MICAL2: variants seen among roughly 807,000 people sequenced by gnomAD.
The protein encoded by MICAL2 is microtubule associated monooxygenase, calponin and LIM domain containing 2, also known as [F-actin]-monooxygenase MICAL2.
MICAL2 carries 77 observed loss-of-function variants against 127.3 expected under a neutral mutation model. The ratio of observed to expected loss-of-function variants is 0.60; its 90% CI spans 0.50 to 0.73. The LOEUF is 0.73. MICAL2 is among the 30% of genes least tolerant of loss of function. The pLI, the probability that MICAL2 is intolerant of heterozygous loss-of-function variation, is 0.00. For missense variants in MICAL2, 1,351 were observed against 1,434.4 expected (o/e 0.94, Z 0.94); for synonymous variants, 570 against 551.1 (o/e 1.03, Z -0.48).
At chr11:12,141,781 A>T (rs1234170248) in intron 2 of MICAL2, among the ~76,000 whole-genome samples, 1 of 152,190 alleles carries the variant, frequency 6.6e-6, no homozygotes, top group Admixed American at 6.5e-5. Flanking sequence ...AACCCTTGTG[A>T]TCAGGGGTGA....
intron 21 of MICAL2, among the ~76,000 whole-genome samples, chr11:12,246,028 C>G (rs757705602): frequency 6.6e-6 from 1 of 152,254 alleles, no homozygotes; most frequent in Non-Finnish European, 1.5e-5. Flanking sequence ...AAAGCCTTCT[C>G]TTGTCCCTGC....
At chr11:12,295,940 A>C (rs1354995552), downstream of MICAL2, among the ~76,000 whole-genome samples, 2 of 152,184 alleles carry the variant, frequency 1.3e-5, no homozygotes, top group Non-Finnish European at 2.9e-5. Context: ...CTCCTAGCCT[A>C]AACACTTACG....
chr11:12,185,157 G>GGA (rs1858038855), intron 3 of MICAL2, among the ~76,000 whole-genome samples: 1 of 9,684 alleles, frequency 1.0e-4, no homozygotes. Context: ...GGGTGGGTGT[G>GGA]TGGATGAATG....
intron 2 of MICAL2, among the ~76,000 whole-genome samples, chr11:12,145,612 G>A (rs1852815426): frequency 6.6e-6 from 1 of 152,164 alleles, no homozygotes; most frequent in Non-Finnish European, 1.5e-5. Flanking sequence ...TGCAGCACAG[G>A]CAATTTTACA....
chr11:12,282,422 C>T (rs1863782562), intron 2 of MICAL2, among the ~76,000 whole-genome samples: 1 of 152,074 alleles, frequency 6.6e-6, no homozygotes, highest in African/African-American at 2.4e-5. Context: ...GCCTTTCATC[C>T]CTTCCCTCCA....
chr11:12,312,480 A>G (rs1864185348), intron 29 of MICAL2, among the ~76,000 whole-genome samples: 1 of 151,986 alleles, frequency 6.6e-6, no homozygotes, highest in African/African-American at 2.4e-5. Flanking sequence ...TTTTTCTTCG[A>G]TCCACAGCGT....
At chr11:12,158,181 T>C (rs1854394426) in intron 2 of MICAL2, among the ~76,000 whole-genome samples, 1 of 151,962 alleles carries the variant, frequency 6.6e-6, no homozygotes, top group Non-Finnish European at 1.5e-5. Flanking sequence ...GTAAGTATGA[T>C]GGACATATTC....
At chr11:12,145,012 G>A (rs1461353296) in intron 2 of MICAL2, among the ~76,000 whole-genome samples, 2 of 152,136 alleles carry the variant, frequency 1.3e-5, no homozygotes, top group East Asian at 3.9e-4. Flanking sequence ...TATTTTCCGT[G>A]GGCAGAGAGC....
At chr11:12,330,761 C>A (rs1282188121) in intron 32 of MICAL2, among the ~76,000 whole-genome samples, 4 of 144,904 alleles carry the variant, frequency 2.8e-5, no homozygotes, top group African/African-American at 7.5e-5. Flanking sequence ...CCCCAGATGA[C>A]AAATCATTAT....
intron 21 of MICAL2, among the ~76,000 whole-genome samples, chr11:12,248,248 G>A (rs868589774): frequency 6.6e-6 from 1 of 152,142 alleles, no homozygotes; most frequent in African/African-American, 2.4e-5. Context: ...AGGGAGTCTT[G>A]AGGGCTCTCA....
At chr11:12,168,145 T>TACACACACACACAC (rs3044619) in intron 3 of MICAL2, among the ~76,000 whole-genome samples, 6,853 of 146,116 alleles carry the variant, frequency 0.047, 192 homozygotes, top group Middle Eastern at 0.086. Flanking sequence ...CTACAGCAAA[T>TACACACACACACAC]ACACACACAC....
chr11:12,132,621 G>A (rs777789790), intron 1 of MICAL2, among the ~76,000 whole-genome samples: 34 of 152,212 alleles, frequency 2.2e-4, no homozygotes, highest in Admixed American at 5.9e-4. Context: ...GGGCGGTGTG[G>A]CATTATGAAG....
rs199725958 is a variant in MICAL2 at position 12,162,144 on chromosome 11, G to A, written c.-12G>A. The stretch of plus-strand genomic sequence containing the variant: ...TCCTCGCCGCACCACTGCCGCACAC[G>A]ACTCCTGAACCATGGGGGAAAACGA... On this transcript the variant is annotated 5_prime_UTR_variant, in exon 3 of 28. Transcript: ENST00000683283. The A allele has an allele frequency of 1.8e-4, 288 of 1,613,744 alleles. No homozygotes were observed. The highest frequency in any genetic ancestry group is 2.3e-4 in the Non-Finnish European group (269 of 1,179,982).
chr11:12,213,201 G>C (rs1855725919), intron 6 of MICAL2, 54 bp from the exon 7 acceptor site: 1 of 1,540,198 alleles, frequency 6.5e-7, no homozygotes, highest in Non-Finnish European at 8.8e-7. Flanking sequence ...ATCATTTTCA[G>C]TTTTCACACC....
At chr11:12,329,862 GAAAAAA>G (rs59395634) in intron 32 of MICAL2, among the ~76,000 whole-genome samples, 61,194 of 121,910 alleles carry the variant, frequency 0.5, 14,079 homozygotes, top group Middle Eastern at 0.59. Context: ...CCCCAAATAT[GAAAAAA>G]AAAAAAAAAA....
chr11:12,130,036 T>C (rs1565001683), intron 1 of MICAL2, among the ~76,000 whole-genome samples: 1 of 152,202 alleles, frequency 6.6e-6, no homozygotes, highest in Non-Finnish European at 1.5e-5. Context: ...TTTCACCCTT[T>C]GTTCCCAGGT....
chr11:12,255,549 G>A, intron 22 of MICAL2, 94 bp from the exon 23 acceptor site: 1 of 1,089,312 alleles, frequency 9.2e-7, no homozygotes, highest in South Asian at 1.4e-5. Context: ...TGGGTGAGGA[G>A]CCCTCTCCCC....
chr11:12,137,556 C>T (rs1851948641), intron 1 of MICAL2, among the ~76,000 whole-genome samples: 1 of 152,138 alleles, frequency 6.6e-6, no homozygotes, highest in Admixed American at 6.5e-5. Context: ...CATCTCCCAG[C>T]ACTCTAACAA....
chr11:12,287,244 C>T (rs769319840), exon 3 of MICAL2: 4 of 398,118 alleles, frequency 1.0e-5, no homozygotes, highest in Admixed American at 4.4e-5. Flanking sequence ...CAGCCGTTCT[C>T]ATTCCTTACA....
Sources: gnomAD v4.1 joint callset for allele counts (sites outside exome capture counted in the v4.1 genomes callset) on GRCh38, gnomAD v4.1.1 for gene constraint, MANE v1.5 for transcripts, NCBI Gene and HGNC (gene_info 2026-07-23, HGNC 2026-07-21) for gene names.